SEL1L: variants seen among roughly 807,000 people sequenced by gnomAD.
SEL1L encodes the protein protein sel-1 homolog 1.
In SEL1L, 52 loss-of-function variants were observed where a neutral mutation model predicts 109.8. That is an observed-to-expected ratio of 0.47 (90% CI 0.38 to 0.60). The LOEUF (loss-of-function observed/expected upper bound fraction) is 0.60, where lower values mean the gene tolerates loss of function less well. Ranked by LOEUF, SEL1L falls within the 20% of genes least tolerant of loss-of-function variation. The probability of loss-of-function intolerance (pLI) is 0.00; values close to 1 mark genes in which losing one functional copy is unlikely to be tolerated. For missense variants in SEL1L, 749 were observed against 962.2 expected (o/e 0.78, Z 2.93); for synonymous variants, 373 against 339.6 (o/e 1.10, Z -1.08).
chr14:81,526,990 A>G lies in SEL1L; in HGVS notation c.109-26T>C, dbSNP rs369288012. 268 of 1,543,062 alleles carry G rather than the reference A, an allele frequency of 1.7e-4. No homozygotes were observed. The African/African-American group carries it at 3.3e-3, about 19-fold the overall frequency. On this transcript the variant is annotated intron_variant, in intron 2 of 20. Coordinates refer to ENST00000336735, the MANE Select transcript of SEL1L (RefSeq NM_005065.6). ...CTGAGAATATAAAGTATTTTTAGTTATCAACAATGCCAAGACTTTCCCCAA... is the reference window on the plus strand; with the variant it reads ...CTGAGAATATAAAGTATTTTTAGTTGTCAACAATGCCAAGACTTTCCCCAA...
chr14:81,525,345 C>T (rs139026317), intron 3 of SEL1L, among the ~76,000 whole-genome samples: 1,504 of 150,334 alleles, frequency 0.01, 27 homozygotes, highest in African/African-American at 0.035. Flanking sequence ...TTCAAGGCTG[C>T]AGTGAACTAT....
At chr14:81,499,578 G>A in intron 7 of SEL1L, 31 bp downstream of exon 7, 1 of 1,609,364 alleles carries the variant, frequency 6.2e-7, no homozygotes, top group Non-Finnish European at 8.5e-7. Flanking sequence ...AATTCAAATT[G>A]TAATATGCAA....
At chr14:81,519,226 G>A (rs1220971351) in intron 3 of SEL1L, among the ~76,000 whole-genome samples, 5 of 152,202 alleles carry the variant, frequency 3.3e-5, no homozygotes, top group Non-Finnish European at 7.3e-5. Context: ...TCCTCCGGGA[G>A]AGGACCCTTG....
At chr14:81,529,517 C>G (rs1883408278) in intron 1 of SEL1L, among the ~76,000 whole-genome samples, 1 of 152,206 alleles carries the variant, frequency 6.6e-6, no homozygotes, top group Non-Finnish European at 1.5e-5. Flanking sequence ...ATGGACACAT[C>G]TGTAAATACA....
chr14:81,480,773 G>A (rs1057128386), intron 19 of SEL1L, among the ~76,000 whole-genome samples: 6 of 152,170 alleles, frequency 3.9e-5, no homozygotes, highest in African/African-American at 1.2e-4. Flanking sequence ...TAAGGGACTC[G>A]ATTCTGCAGT....
intron 10 of SEL1L, 107 bp from the exon 11 acceptor site, chr14:81,495,244 C>A: frequency 2.1e-6 from 2 of 939,660 alleles, no homozygotes; most frequent in Non-Finnish European, 3.3e-6. Context: ...CTGTTCATGA[C>A]TCAAAAAACA....
chr14:81,479,804 C>T lies in SEL1L; in HGVS notation c.2047-64G>A, dbSNP rs1247913269. 37 of 1,390,750 alleles carry T rather than the reference C, an allele frequency of 2.7e-5. No individual in the cohort carries two copies. In the Admixed American group the frequency reaches 8.2e-4, roughly 31 times the overall value. The allele number at this position is 1,390,750 out of a possible 1,614,324, so 86.2% of individuals were successfully genotyped here. On this transcript the variant is annotated intron_variant, in intron 19 of 20. Coordinates refer to ENST00000336735, the MANE Select transcript of SEL1L (RefSeq NM_005065.6). ...AAAATAAGTAAAAATATTTAGTGAA[C>T]ATATTAGACGAATTTATTTTACCTT...
Position 81,526,898 on chromosome 14 carries a change from T to A in SEL1L, c.175A>T (p.Ile59Leu). 1 of 1,599,476 alleles carries A rather than the reference T, an allele frequency of 6.3e-7. No individual in the cohort carries two copies. The highest frequency in any genetic ancestry group is 8.5e-7 in the Non-Finnish European group (1 of 1,174,948). Residue 59 changes from isoleucine to leucine, a missense_variant, in exon 3 of 21, where the codon ATA becomes TTA. Ile to Leu is a conservative substitution (Grantham distance 5). This residue lies in a region of SEL1L where 366 missense variants were observed against 399.8 expected (regional missense o/e 0.92). Coordinates refer to ENST00000336735, the MANE Select transcript of SEL1L (RefSeq NM_005065.6). ...TTAGRVVAGQIFLDSEESELE... is the reference protein window; with the variant it reads ...TTAGRVVAGQLFLDSEESELE... ...TCAGATTCTTCTGAATCAAGAAATA[T>A]TTGACCAGCAACTACTCTGCCTGCA... is the stretch of plus-strand genomic sequence containing the variant.
chr14:81,511,328 C>T (rs575889397), intron 3 of SEL1L, among the ~76,000 whole-genome samples: 10 of 152,322 alleles, frequency 6.6e-5, no homozygotes, highest in Non-Finnish European at 1.3e-4. Context: ...GCAGCACAAT[C>T]ACTGGCCCAT....
In SEL1L at chr14:81,487,398, C is replaced by T. The variant is rs1451072141; in HGVS notation, c.1624G>A (p.Ala542Thr). The change falls in exon 16 of 21, where the codon GCA (alanine) becomes ACA (threonine). Residue 542 changes from alanine (A) to threonine (T), a missense_variant. Transcript: ENST00000336735. ...GGTAGGAAAGACCTTACCTCCACTG[C>T]AGTGTGACATGATCGCATCACGCCG... Reference protein sequence around the residue: ...GTGVMRSCHTAVELFKNVCER... With the variant: ...GTGVMRSCHTTVELFKNVCER... 1 of 1,583,740 alleles carries T rather than the reference C, an allele frequency of 6.3e-7. No homozygotes were observed. The highest frequency in any genetic ancestry group is 8.5e-7 in the Non-Finnish European group (1 of 1,172,432).
chr14:81,511,872 T>C (rs1884490709), intron 3 of SEL1L, among the ~76,000 whole-genome samples: 1 of 152,234 alleles, frequency 6.6e-6, no homozygotes, highest in African/African-American at 2.4e-5. Context: ...ATGTGTTTAC[T>C]GCAGAGACAA....
intron 10 of SEL1L, among the ~76,000 whole-genome samples, chr14:81,496,740 A>G (rs1883769127): frequency 1.3e-5 from 2 of 152,196 alleles, no homozygotes; most frequent in Admixed American, 1.3e-4. Context: ...AAAATAAAAA[A>G]TAAAAAAATA....
At chr14:81,498,752 A>C (rs1397090438) in intron 8 of SEL1L, 1 of 294,964 alleles carries the variant, frequency 3.4e-6, no homozygotes, top group African/African-American at 2.2e-5. Context: ...TTATTTTTGA[A>C]GTGTGTGCAT....
intron 3 of SEL1L, among the ~76,000 whole-genome samples, chr14:81,510,812 A>G (rs1418044071): frequency 6.6e-6 from 1 of 152,140 alleles, no homozygotes; most frequent in Non-Finnish European, 1.5e-5. Flanking sequence ...CTGAGAAACA[A>G]TTATTTAATG....
intron 8 of SEL1L, 153 bp downstream of exon 8, chr14:81,499,306 T>C (rs1222949656): frequency 7.2e-7 from 1 of 1,395,406 alleles, no homozygotes; most frequent in African/African-American, 1.5e-5. Flanking sequence ...CCATGTGTTA[T>C]ATCCATTAAC....
chr14:81,531,059 G>A (rs1885301758), intron 1 of SEL1L, among the ~76,000 whole-genome samples: 1 of 152,212 alleles, frequency 6.6e-6, no homozygotes, highest in South Asian at 2.1e-4. Context: ...GTGGGTGAGT[G>A]AGTGAGTGAA....
At chr14:81,533,231 C>T (rs1885403923) in intron 1 of SEL1L, among the ~76,000 whole-genome samples, 1 of 152,198 alleles carries the variant, frequency 6.6e-6, no homozygotes. Context: ...AAACTACTGT[C>T]AACATCCTGG....
chr14:81,505,959 A>T, intron 4 of SEL1L, 115 bp downstream of exon 4: 1 of 1,009,440 alleles, frequency 9.9e-7, no homozygotes, highest in Non-Finnish European at 1.5e-6. Context: ...TAATGACATC[A>T]GCAATGCTGG....
At position 81,482,314 on chromosome 14, in the gene SEL1L, T is replaced by C. The variant is rs150637803; in HGVS notation, c.2046+1911A>G. 4.4e-4 allele frequency among the ~76,000 whole-genome samples: 67 copies of C among 152,330 alleles called. No individual in the cohort carries two copies. The East Asian group carries it at 0.011, about 26-fold the overall frequency. ...TTGACTACAGTCAGTAAATTATTAC[T>C]AGATGTACTCCATGAAAGCCATAAC... is the stretch of plus-strand genomic sequence containing the variant. On this transcript the variant is annotated intron_variant, in intron 19 of 20. Coordinates refer to ENST00000336735, the MANE Select transcript of SEL1L (RefSeq NM_005065.6).
Sources: gnomAD v4.1 joint callset for allele counts (sites outside exome capture counted in the v4.1 genomes callset) on GRCh38, gnomAD v4.1.1 for gene constraint, gnomAD v4.1.1 regional missense constraint, MANE v1.5 for transcripts, NCBI Gene and HGNC (gene_info 2026-07-23, HGNC 2026-07-21) for gene names.